ZC3H13: variants seen among roughly 807,000 people sequenced by gnomAD.
The protein encoded by ZC3H13 is zinc finger CCCH domain-containing protein 13.
Under a neutral mutation model 204.1 loss-of-function variants are expected in ZC3H13, and 64 were observed. The ratio of observed to expected loss-of-function variants is 0.31; its 90% CI spans 0.26 to 0.39. ZC3H13 has a LOEUF of 0.39. Ranked by LOEUF, ZC3H13 falls within the 10% of genes least tolerant of loss-of-function variation. ZC3H13 has a pLI of 1.00. For missense variants in ZC3H13, 1,833 were observed against 2,082.7 expected (o/e 0.88, Z 2.33); for synonymous variants, 667 against 693.7 (o/e 0.96, Z 0.60).
At chr13:45,971,492 A>G (rs937168285) in intron 12 of ZC3H13, among the ~76,000 whole-genome samples, 7 of 152,186 alleles carry the variant, frequency 4.6e-5, no homozygotes, top group African/African-American at 1.7e-4. Context: ...GATCCCTCTC[A>G]GCTCAAACAA....
At position 46,020,562 on chromosome 13, in the gene ZC3H13, A is replaced by G; in HGVS notation, c.340-5T>C. The G allele has an allele frequency of 6.4e-7, 1 of 1,568,360 alleles. No homozygotes were observed. Among genetic ancestry groups the G allele is most frequent in the Non-Finnish European group, 8.7e-7 (1 of 1,145,528 alleles). ...TCTCCCTCTTGAAGATTCTTTCTAA[A>G]AAAGTACATACATACATTCAGATTA... On this transcript the variant is annotated splice_region_variant and splice_polypyrimidine_tract_variant and intron_variant, in intron 4 of 18. Coordinates refer to ENST00000679008, the MANE Select transcript of ZC3H13 (RefSeq NM_001330564.2).
In ZC3H13 at chr13:45,989,007, A is replaced by C. The variant is rs761794325; in HGVS notation, c.1035T>G (p.His345Gln). The C allele has an allele frequency of 1.9e-6, 3 of 1,614,042 alleles. No individual in the cohort carries two copies. Among genetic ancestry groups the C allele is most frequent in the African/African-American group, 2.7e-5 (2 of 74,936 alleles). ...SSQSGSSIQR[H>Q]SPSPRRKRTP... ...TTCTTTTTCGACGAGGAGAAGGAGA[A>C]TGTCTTTGAATAGATGATCCTGATT... The change falls in exon 9 of 19, where the codon CAT becomes CAG. Residue 345 changes from histidine (H) to glutamine (Q), a missense_variant. This residue lies in a region of ZC3H13 where 1,574 missense variants were observed against 1,757.2 expected (regional missense o/e 0.90). Transcript: ENST00000679008.
chr13:46,012,259 T>C (rs181082908), intron 5 of ZC3H13, among the ~76,000 whole-genome samples: 1 of 152,116 alleles, frequency 6.6e-6, no homozygotes, highest in Non-Finnish European at 1.5e-5. Flanking sequence ...GGTGTGTAGA[T>C]CTATTTCATT....
chr13:45,959,822 T>C (rs959299357), intron 17 of ZC3H13, among the ~76,000 whole-genome samples, 176 bp from the exon 18 acceptor site: 7 of 152,198 alleles, frequency 4.6e-5, no homozygotes, highest in Admixed American at 2.0e-4. Flanking sequence ...CGTAGTTATG[T>C]TGGTAGTCTC....
At chr13:46,021,521 C>T (rs1593712355) in intron 4 of ZC3H13, among the ~76,000 whole-genome samples, 1 of 151,676 alleles carries the variant, frequency 6.6e-6, no homozygotes, top group Non-Finnish European at 1.5e-5. Context: ...AATTTGGCTG[C>T]TTAAAACACA....
chr13:46,043,928 C>G (rs995695795), intron 3 of ZC3H13, among the ~76,000 whole-genome samples: 3 of 151,742 alleles, frequency 2.0e-5, no homozygotes, highest in Non-Finnish European at 3.0e-5. Flanking sequence ...AATAGTTTCA[C>G]CAGGTATGTA....
intron 16 of ZC3H13, 127 bp from the exon 17 acceptor site, chr13:45,964,169 C>A: frequency 1.3e-6 from 1 of 798,988 alleles, no homozygotes; most frequent in Non-Finnish European, 1.9e-6. Flanking sequence ...CAAAAATGTC[C>A]TATTCTTAAA....
intron 17 of ZC3H13, chr13:45,962,527 G>A: frequency 1.0e-6 from 1 of 984,000 alleles, no homozygotes; most frequent in Non-Finnish European, 1.2e-6. Flanking sequence ...AACCAAACAA[G>A]GCAGATACAG....
intron 4 of ZC3H13, among the ~76,000 whole-genome samples, chr13:46,028,263 G>A (rs1446813718): frequency 6.6e-6 from 1 of 152,138 alleles, no homozygotes; most frequent in African/African-American, 2.4e-5. Context: ...CAGACGTCCA[G>A]TCTGCAAAAA....
intron 7 of ZC3H13, among the ~76,000 whole-genome samples, chr13:46,003,568 T>C (rs968558155): frequency 1.3e-5 from 2 of 152,146 alleles, no homozygotes; most frequent in Non-Finnish European, 2.9e-5. Context: ...AAGGGGCAGG[T>C]TTCTGAGAAA....
rs1446516572 is a variant in ZC3H13, at chr13:45,969,364, T to C, written c.3180A>G (p.Glu1060=). 6.2e-7 allele frequency: 1 copy of C among 1,613,966 alleles called. No individual in the cohort carries two copies. The highest frequency in any genetic ancestry group is 8.5e-7 in the Non-Finnish European group (1 of 1,180,032). The change falls in exon 14 of 19, where the codon GAA becomes GAG. Residue 1060 remains glutamate (E), a synonymous_variant. Transcript: ENST00000679008. ...CAGACCAGTCACTGAATGCTGTATC[T>C]TCTTTTTTCTGGGAGTCCTCTAGAA... ...NGILEDSQKK[E]DTAFSDWSDE...
At chr13:45,978,628 A>G (rs1032131193) in intron 11 of ZC3H13, among the ~76,000 whole-genome samples, 20 of 152,240 alleles carry the variant, frequency 1.3e-4, no homozygotes, top group African/African-American at 3.6e-4. Flanking sequence ...ACCTAGTAGA[A>G]GATCAATACA....
intron 5 of ZC3H13, among the ~76,000 whole-genome samples, chr13:46,012,005 C>T (rs1407298042): frequency 1.3e-5 from 2 of 152,148 alleles, no homozygotes; most frequent in Non-Finnish European, 2.9e-5. Flanking sequence ...TGCAACATTG[C>T]TTCCATAGGC....
In ZC3H13 at chr13:45,969,142, G is replaced by A. The variant is rs1952353318; in HGVS notation, c.3402C>T (p.Ala1134=). 2 of 1,614,032 alleles carry A rather than the reference G, an allele frequency of 1.2e-6. No homozygotes were observed. Among genetic ancestry groups the A allele is most frequent in the African/African-American group, 1.3e-5 (1 of 74,934 alleles). ...GGGTGGCAGAGGTGGAAATAGTGAT[G>A]GCAGATGTGCTGAAAGAGGTGGCGG... ...AAAATSFSTS[A]ITISTSATPT... The change falls in exon 14 of 19, where the codon GCC becomes GCT. Residue 1134 remains alanine (A), a synonymous_variant. Coordinates refer to ENST00000679008, the MANE Select transcript of ZC3H13 (RefSeq NM_001330564.2).
At chr13:45,991,267 T>C (rs1453932447) in intron 8 of ZC3H13, among the ~76,000 whole-genome samples, 1 of 152,200 alleles carries the variant, frequency 6.6e-6, no homozygotes, top group Non-Finnish European at 1.5e-5. Flanking sequence ...ACAGTTCACA[T>C]ATACTACCTT....
intron 4 of ZC3H13, among the ~76,000 whole-genome samples, chr13:46,033,819 A>G (rs2139027025): frequency 6.6e-6 from 1 of 152,282 alleles, no homozygotes; most frequent in Non-Finnish European, 1.5e-5. Flanking sequence ...ACAACATGAT[A>G]TAACTGGACT....
In ZC3H13 at chr13:45,968,965, C is replaced by G; in HGVS notation, c.3579G>C (p.Gly1193=). The part of the protein sequence containing the change: ...PMDQKRSSSL[G]SNRSNRSHTS... ...TATGACTACGGTTACTCCGATTGCT[C>G]CCGAGGCTGCTGCTCCTCTTTTGAT... Residue 1193 remains glycine, a synonymous_variant, in exon 14 of 19, where the codon GGG becomes GGC. Transcript: ENST00000679008. 6.2e-7 allele frequency: 1 copy of G among 1,614,202 alleles called. No individual in the cohort carries two copies. Among genetic ancestry groups the G allele is most frequent in the African/African-American group, 1.3e-5 (1 of 75,052 alleles).
At chr13:46,004,367 C>T (rs541609167) in intron 7 of ZC3H13, among the ~76,000 whole-genome samples, 87 of 151,966 alleles carry the variant, frequency 5.7e-4, no homozygotes, top group Non-Finnish European at 1.1e-3. Context: ...TGGTGAAACC[C>T]TATCTCTACT....
In ZC3H13 at chr13:46,052,461, C is replaced by T; in HGVS notation, c.-67G>A. ...CGGAGGCACCACCGCCGCCGCCGCT[C>T]CGAGGAGCGGGGGAGGCGACTCTGT... On this transcript the variant is annotated 5_prime_UTR_variant, in exon 1 of 19. Transcript: ENST00000679008. The T allele has an allele frequency of 2.5e-6, 1 of 398,310 alleles. No homozygotes were observed. Among genetic ancestry groups the T allele is most frequent in the Admixed American group, 4.4e-5 (1 of 22,730 alleles). The allele number at this position is 398,310 out of a possible 1,614,324, so 24.7% of individuals were successfully genotyped here.
Sources: gnomAD v4.1 joint callset for allele counts (sites outside exome capture counted in the v4.1 genomes callset) on GRCh38, gnomAD v4.1.1 for gene constraint, gnomAD v4.1.1 regional missense constraint, MANE v1.5 for transcripts, NCBI Gene and HGNC (gene_info 2026-07-23, HGNC 2026-07-21) for gene names.